PPP1R9A: variants seen among roughly 807,000 people sequenced by gnomAD.
PPP1R9A encodes the protein neurabin-1.
PPP1R9A carries 59 observed loss-of-function variants against 141.9 expected under a neutral mutation model. That is an observed-to-expected ratio of 0.42 (90% CI 0.34 to 0.52). PPP1R9A has a LOEUF of 0.52. Among genes scored for constraint, PPP1R9A ranks in the 20% least tolerant of loss-of-function variants. The probability of loss-of-function intolerance (pLI) is 0.10; values close to 1 mark genes in which losing one functional copy is unlikely to be tolerated. For missense variants in PPP1R9A, 1,444 were observed against 1,611.9 expected, an observed-to-expected ratio of 0.90 and a Z score of 1.78; for synonymous variants, 500 against 569.7, an observed-to-expected ratio of 0.88 and a Z score of 1.74.
intron 2 of PPP1R9A, among the ~76,000 whole-genome samples, chr7:94,938,262 A>G (rs1243341758): frequency 6.6e-6 from 1 of 152,144 alleles, no homozygotes; most frequent in Admixed American, 6.6e-5. Context: ...CAGGTTCCTT[A>G]TGAGACCTGA....
chr7:94,972,648 C>G (rs759702227), intron 2 of PPP1R9A, among the ~76,000 whole-genome samples: 1 of 152,166 alleles, frequency 6.6e-6, no homozygotes, highest in South Asian at 2.1e-4. Context: ...GAGTTTTCTT[C>G]CCAGGAACTG....
At chr7:95,245,273 G>A (rs1797968469) in intron 8 of PPP1R9A, among the ~76,000 whole-genome samples, 1 of 152,116 alleles carries the variant, frequency 6.6e-6, no homozygotes, top group South Asian at 2.1e-4. Flanking sequence ...TTATTAGAGG[G>A]AGAAAAAGTC....
chr7:95,154,907 T>G (rs1829338844), intron 4 of PPP1R9A: 1 of 152,152 alleles, frequency 6.6e-6, no homozygotes, highest in African/African-American at 2.4e-5. Context: ...GCAACTCTCA[T>G]TCCTTGTCAT....
chr7:95,049,432 A>G (rs1160322252), intron 2 of PPP1R9A, among the ~76,000 whole-genome samples: 3 of 152,182 alleles, frequency 2.0e-5, no homozygotes, highest in Non-Finnish European at 4.4e-5. Context: ...GAAAGTAAAG[A>G]GAGGCTCCAT....
At chr7:94,911,558 G>T in intron 2 of PPP1R9A, 50 bp downstream of exon 2, 1 of 1,410,238 alleles carries the variant, frequency 7.1e-7, no homozygotes, top group South Asian at 1.3e-5. Flanking sequence ...TTAGTACTAG[G>T]GCCTAATTGT....
At chr7:95,238,394 C>T (rs1280523742) in intron 8 of PPP1R9A, among the ~76,000 whole-genome samples, 1 of 152,072 alleles carries the variant, frequency 6.6e-6, no homozygotes, top group Admixed American at 6.6e-5. Context: ...CTGAAATAGG[C>T]TATCCCTGAT....
chr7:95,153,579 A>T (rs1226358391), intron 4 of PPP1R9A, among the ~76,000 whole-genome samples: 1 of 152,226 alleles, frequency 6.6e-6, no homozygotes, highest in Non-Finnish European at 1.5e-5. Context: ...AAAATTTTTA[A>T]ATCAGTCTGA....
chr7:95,069,361 T>C (rs999300734), intron 2 of PPP1R9A, among the ~76,000 whole-genome samples: 8 of 151,812 alleles, frequency 5.3e-5, no homozygotes, highest in African/African-American at 1.9e-4. Context: ...TTTGGAAAAA[T>C]ATTAATACTA....
At chr7:95,092,478 G>C (rs942695329) in intron 2 of PPP1R9A, among the ~76,000 whole-genome samples, 1 of 152,014 alleles carries the variant, frequency 6.6e-6, no homozygotes, top group African/African-American at 2.4e-5. Flanking sequence ...ACCAGACAGT[G>C]AAAAAGATTC....
chr7:95,259,244 GTAA>G lies in PPP1R9A; in HGVS notation c.2665+7119_2665+7121del, dbSNP rs375333767. The stretch of plus-strand genomic sequence containing the variant: ...ATAGAGAACAGAGAGGGCTTCAAAA[GTAA>G]TAATTTTATAGTTTAGGCTTGATGG... On this transcript the variant is annotated intron_variant, in intron 12 of 19. Transcript: ENST00000433360. Among the ~76,000 whole-genome samples the G allele has an allele frequency of 3.8e-3, 578 of 151,314 alleles. 3 individuals carry two copies. The highest frequency in any genetic ancestry group is 0.022 in the South Asian group (105 of 4,808).
At chr7:94,925,776 T>G (rs1418571339) in intron 2 of PPP1R9A, among the ~76,000 whole-genome samples, 1 of 152,024 alleles carries the variant, frequency 6.6e-6, no homozygotes, top group East Asian at 1.9e-4. Flanking sequence ...CTCCTTCCTC[T>G]TCTCCCCCTC....
At chr7:95,121,451 GTCTGTCTGTCTATCTATCTATCTA>G (rs1822560878) in intron 4 of PPP1R9A, among the ~76,000 whole-genome samples, 1 of 125,318 alleles carries the variant, frequency 8.0e-6, no homozygotes, top group South Asian at 2.7e-4. Context: ...TTGTCTGTCT[GTCTGTCTGTCTATCTATCTATCTA>G]TCTATCTATC....
intron 2 of PPP1R9A, among the ~76,000 whole-genome samples, chr7:95,012,614 A>G (rs897054721): frequency 1.3e-5 from 2 of 152,168 alleles, no homozygotes; most frequent in African/African-American, 4.8e-5. Flanking sequence ...GATGAACAAG[A>G]TCATGCTTTT....
intron 2 of PPP1R9A, among the ~76,000 whole-genome samples, chr7:95,080,386 C>T (rs533496497): frequency 1.3e-3 from 199 of 152,012 alleles, no homozygotes; most frequent in African/African-American, 4.2e-3. Flanking sequence ...TTACAAGGGA[C>T]GTGAAGGACC....
chr7:95,053,334 G>A (rs1209568512), intron 2 of PPP1R9A, among the ~76,000 whole-genome samples: 2 of 152,168 alleles, frequency 1.3e-5, no homozygotes, highest in East Asian at 1.9e-4. Context: ...TTACAAAGCA[G>A]AGGGAACAGG....
chr7:95,005,138 A>G (rs1330081898), intron 2 of PPP1R9A, among the ~76,000 whole-genome samples: 1 of 152,190 alleles, frequency 6.6e-6, no homozygotes, highest in Admixed American at 6.5e-5. Context: ...TCAATGTTGT[A>G]TTCCTGATGA....
In PPP1R9A at chr7:94,910,608, A is replaced by G. The variant is rs771165598; in HGVS notation, c.495A>G (p.Lys165=). The part of the protein sequence containing the change: ...QNNRYSPKKE[K]AGGSEPQDEW... ...ACCGCTATTCCCCAAAGAAAGAGAA[A>G]GCTGGAGGGAGTGAACCTCAGGATG... The change falls in exon 2 of 20, where the codon AAA becomes AAG. Residue 165 remains lysine (K), a synonymous_variant. Coordinates refer to ENST00000433360, the MANE Select transcript of PPP1R9A (RefSeq NM_001166160.2). This position sits in a 1 kb window ranked among gnomAD's most constrained non-coding sequence, Gnocchi z 4.5. 6.2e-7 allele frequency: 1 copy of G among 1,614,176 alleles called. No individual in the cohort carries two copies. Among genetic ancestry groups the G allele is most frequent in the Non-Finnish European group, 8.5e-7 (1 of 1,180,040 alleles).
intron 2 of PPP1R9A, among the ~76,000 whole-genome samples, chr7:95,072,807 T>TATAATATAA (rs1814108544): frequency 1.2e-5 from 1 of 84,830 alleles, no homozygotes; most frequent in Non-Finnish European, 2.2e-5. Context: ...TTTATAATTA[T>TATAATATAA]TATATATAAT....
intron 7 of PPP1R9A, among the ~76,000 whole-genome samples, chr7:95,213,120 T>A (rs964395079): frequency 6.6e-6 from 1 of 151,888 alleles, no homozygotes; most frequent in African/African-American, 2.4e-5. Flanking sequence ...GGTTCTCCCT[T>A]CTCTGCTTGT....
Sources: allele counts gnomAD v4.1 joint callset (sites outside exome capture counted in the v4.1 genomes callset), GRCh38; gene constraint gnomAD v4.1.1; non-coding constraint Gnocchi (gnomAD v3.1); transcripts MANE v1.5; gene names NCBI Gene and HGNC (gene_info 2026-07-23, HGNC 2026-07-21).